The following BST1 variants were observed in gnomAD, a reference collection of about 807,000 sequenced individuals.
BST1 encodes bone marrow stromal cell antigen 1, also known as ADP-ribosyl cyclase/cyclic ADP-ribose hydrolase 2.
Under a neutral mutation model 40.6 loss-of-function variants are expected in BST1, and 49 were observed. That is an observed-to-expected ratio of 1.21 (90% CI 0.96 to 1.53). The LOEUF is 1.53. BST1 is among the 40% of genes most tolerant of loss of function. The pLI is 0.00. For synonymous variants in BST1, 157 were observed against 159.3 expected (o/e 0.99, Z 0.11); for missense variants, 423 against 395.9 (o/e 1.07, Z -0.58).
intron 2 of BST1, among the ~76,000 whole-genome samples, chr4:15,706,004 G>A (rs1719864099): frequency 6.6e-6 from 1 of 152,192 alleles, no homozygotes. Flanking sequence ...CATGGCACGA[G>A]CAGGACCAAG....
At chr4:15,741,166 A>G (rs1721733533), downstream of BST1, among the ~76,000 whole-genome samples, 2 of 152,124 alleles carry the variant, frequency 1.3e-5, no homozygotes, top group African/African-American at 4.8e-5. Flanking sequence ...TGCTACAGAC[A>G]AGTAGAATCA....
At chr4:15,760,387 C>G in the BST1 span, among the ~76,000 whole-genome samples, 4 of 151,652 alleles carry the variant, frequency 2.6e-5, no homozygotes, top group African/African-American at 9.7e-5. Context: ...CTTTATGAAC[C>G]TTCATGTACA....
the BST1 span, among the ~76,000 whole-genome samples, chr4:15,751,184 G>A: frequency 3.3e-5 from 5 of 152,364 alleles, no homozygotes; most frequent in Non-Finnish European, 7.3e-5. Flanking sequence ...AGATTTTAAA[G>A]AGGAGGGGTT....
At position 15,705,652 on chromosome 4, in the gene BST1, A is replaced by G. The variant is rs771431110; in HGVS notation, c.315+11A>G. On this transcript the variant is annotated intron_variant, in intron 2 of 8. Coordinates refer to ENST00000265016, the MANE Select transcript of BST1 (RefSeq NM_004334.3). ...ATTCCCAGAGATAAGGTAACACCAC[A>G]ACCATCTTGGGTAAAACTGTGTTCT... The G allele has an allele frequency of 6.2e-7, 1 of 1,613,864 alleles. No individual in the cohort carries two copies. The highest frequency in any genetic ancestry group is 8.5e-7 in the Non-Finnish European group (1 of 1,179,798).
At chr4:15,771,687 CT>C in the BST1 span, among the ~76,000 whole-genome samples, 1 of 152,216 alleles carries the variant, frequency 6.6e-6, no homozygotes, top group Admixed American at 6.5e-5. Flanking sequence ...TGGTACCAGC[CT>C]TTGGCTGGCA....
In BST1 at chr4:15,703,173, G is replaced by C; in HGVS notation, c.29G>C (p.Arg10Pro). 2 of 1,566,376 alleles carry C rather than the reference G, an allele frequency of 1.3e-6. No homozygotes were observed. The highest frequency in any genetic ancestry group is 1.7e-6 in the Non-Finnish European group (2 of 1,157,384). Reference protein sequence around the residue: MAAQGCAASRLLQLLLQLLL... With the variant: MAAQGCAASPLLQLLLQLLL... ...GCGGCCCAGGGGTGCGCGGCATCGC[G>C]GCTGCTCCAGCTGCTGCTGCAGCTT... The change falls in exon 1 of 9, where the codon CGG (arginine) becomes CCG (proline). Residue 10 changes from arginine to proline, a missense_variant. By Grantham distance (103) the Arg-to-Pro change is moderately radical. Transcript: ENST00000265016.
At chr4:15,728,716 C>T (rs182028959) in intron 8 of BST1, among the ~76,000 whole-genome samples, 2 of 148,086 alleles carry the variant, frequency 1.4e-5, no homozygotes, top group East Asian at 4.0e-4. Context: ...GATCTTGGCT[C>T]ATCACTGCAG....
At chr4:15,729,311 C>A (rs1577595524) in intron 8 of BST1, among the ~76,000 whole-genome samples, 1 of 152,004 alleles carries the variant, frequency 6.6e-6, no homozygotes, top group East Asian at 1.9e-4. Flanking sequence ...AAAAAATTGG[C>A]TGGGTATGTT....
At chr4:15,762,470 A>G in the BST1 span, among the ~76,000 whole-genome samples, 2 of 151,998 alleles carry the variant, frequency 1.3e-5, no homozygotes, top group Admixed American at 1.3e-4. Context: ...ATAAAGATTG[A>G]ATATATTCAA....
rs1338238446 is a variant in BST1 at position 15,722,948 on chromosome 4, T to C, written c.851+14T>C. 1 of 1,611,896 alleles carries C rather than the reference T, an allele frequency of 6.2e-7. No homozygotes were observed. Among genetic ancestry groups the C allele is most frequent in the Non-Finnish European group, 8.5e-7 (1 of 1,178,166 alleles). On this transcript the variant is annotated intron_variant, in intron 8 of 8. Coordinates refer to ENST00000265016, the MANE Select transcript of BST1 (RefSeq NM_004334.3). The stretch of plus-strand genomic sequence containing the variant: ...TGCCTTAAAGTCGTAAGTAAATGTC[T>C]TAACCCAAATCGTTCTTTCCAAAGA...
At chr4:15,754,018 C>T in the BST1 span, among the ~76,000 whole-genome samples, 1 of 152,166 alleles carries the variant, frequency 6.6e-6, no homozygotes, top group South Asian at 2.1e-4. Flanking sequence ...GGAGAGCCTC[C>T]TGGGGCTGGA....
chr4:15,722,672 G>A (rs570117345), intron 7 of BST1, among the ~76,000 whole-genome samples: 25 of 148,066 alleles, frequency 1.7e-4, no homozygotes, highest in African/African-American at 5.5e-4. Context: ...GTCTCAAGCA[G>A]TCCTCCTGCC....
the BST1 span, among the ~76,000 whole-genome samples, chr4:15,764,850 C>G: frequency 7.5e-6 from 1 of 133,096 alleles, no homozygotes; most frequent in Non-Finnish European, 1.7e-5. Context: ...CAAGAAATAT[C>G]TTAAGTGACT....
chr4:15,728,924 G>A (rs1027072319), intron 8 of BST1, among the ~76,000 whole-genome samples: 1 of 152,096 alleles, frequency 6.6e-6, no homozygotes, highest in Non-Finnish European at 1.5e-5. Context: ...GGGATTATAG[G>A]TGTGAACCAC....
intron 6 of BST1, 59 bp from the exon 7 acceptor site, chr4:15,718,848 C>G: frequency 6.9e-7 from 1 of 1,451,070 alleles, no homozygotes; most frequent in Non-Finnish European, 9.5e-7. Flanking sequence ...AACCCAGAAA[C>G]AACTTCCTCT....
chr4:15,752,524 G>A, the BST1 span, among the ~76,000 whole-genome samples: 1 of 151,880 alleles, frequency 6.6e-6, no homozygotes, highest in Non-Finnish European at 1.5e-5. Flanking sequence ...GAGTAGCTGG[G>A]ATTACAGGTA....
chr4:15,762,335 A>G, the BST1 span, among the ~76,000 whole-genome samples: 1 of 151,620 alleles, frequency 6.6e-6, no homozygotes. Context: ...CATAAGTAGA[A>G]AGGTAAGTAA....
chr4:15,727,693 G>A (rs1721187364), intron 8 of BST1, among the ~76,000 whole-genome samples: 1 of 152,098 alleles, frequency 6.6e-6, no homozygotes, highest in Non-Finnish European at 1.5e-5. Context: ...TTGACAATAT[G>A]TGTCAAGAAT....
intron 3 of BST1, among the ~76,000 whole-genome samples, chr4:15,710,580 C>A (rs73121376): frequency 6.6e-6 from 1 of 152,088 alleles, no homozygotes; most frequent in South Asian, 2.1e-4. Context: ...TTCCCATCTC[C>A]CTTATCCATT....
Sources: gnomAD v4.1 joint callset for allele counts (sites outside exome capture counted in the v4.1 genomes callset) on GRCh38, gnomAD v4.1.1 for gene constraint, MANE v1.5 for transcripts, NCBI Gene and HGNC (gene_info 2026-07-23, HGNC 2026-07-21) for gene names.